Variants in RAB31 observed in about 807,000 individuals in gnomAD.
RAB31 encodes the protein RAB31, member RAS oncogene family, also known as ras-related protein Rab-31.
A neutral mutation model predicts 25.6 loss-of-function variants in RAB31; 21 were observed. The observed-to-expected ratio is 0.82, with a 90% CI of 0.58 to 1.18. The LOEUF (loss-of-function observed/expected upper bound fraction) is 1.18, where lower values mean the gene tolerates loss of function less well. Among genes scored for constraint, RAB31 ranks in the 50% most tolerant of loss-of-function variants. RAB31 has a pLI of 0.00. For synonymous variants in RAB31, 87 were observed against 84.0 expected (o/e 1.04, Z -0.20); for missense variants, 196 against 250.1 (o/e 0.78, Z 1.46).
intron 6 of RAB31, 31 bp downstream of exon 6, chr18:9,845,722 ACTTGC>A (rs2143135875): frequency 4.6e-6 from 7 of 1,520,306 alleles, no homozygotes; most frequent in Middle Eastern, 1.7e-4. Flanking sequence ...TTTCAGCCCA[ACTTGC>A]ATTTTTATGC....
intron 1 of RAB31, among the ~76,000 whole-genome samples, chr18:9,772,731 G>C (rs1240347464): frequency 6.6e-6 from 1 of 152,184 alleles, no homozygotes; most frequent in East Asian, 1.9e-4. Context: ...GTAGGAATCA[G>C]CTGGCCTCAT....
At chr18:9,807,850 C>A (rs1023002083) in intron 3 of RAB31, among the ~76,000 whole-genome samples, 4 of 152,080 alleles carry the variant, frequency 2.6e-5, no homozygotes, top group Non-Finnish European at 5.9e-5. Flanking sequence ...TGGTGGCACA[C>A]ACCTGTAGTC....
At chr18:9,756,125 G>A (rs2145481023) in intron 1 of RAB31, among the ~76,000 whole-genome samples, 1 of 152,336 alleles carries the variant, frequency 6.6e-6, no homozygotes, top group Non-Finnish European at 1.5e-5. Context: ...GAGCATGGTA[G>A]TTGTGGGGAT....
chr18:9,817,181 C>T (rs373555661), intron 5 of RAB31, among the ~76,000 whole-genome samples: 12 of 152,054 alleles, frequency 7.9e-5, no homozygotes, highest in African/African-American at 2.2e-4. Context: ...TGGGTAGAGA[C>T]GACCTTTGCT....
intron 5 of RAB31, among the ~76,000 whole-genome samples, chr18:9,835,151 G>T (rs1032442192): frequency 2.0e-5 from 3 of 152,146 alleles, no homozygotes; most frequent in Non-Finnish European, 2.9e-5. Flanking sequence ...AGCTAAGACG[G>T]TGTAGGGTCC....
chr18:9,711,913 G>A (rs139586939), intron 1 of RAB31, among the ~76,000 whole-genome samples: 5 of 152,204 alleles, frequency 3.3e-5, no homozygotes, highest in African/African-American at 9.6e-5. Flanking sequence ...GACATGCTTC[G>A]CATTTAAGGT....
chr18:9,855,708 C>T (rs966213376), intron 6 of RAB31, among the ~76,000 whole-genome samples: 1 of 152,166 alleles, frequency 6.6e-6, no homozygotes, highest in East Asian at 1.9e-4. Flanking sequence ...TCTGGCTTTT[C>T]TCTTTCTCTG....
At chr18:9,835,321 G>A (rs1383819300) in intron 5 of RAB31, among the ~76,000 whole-genome samples, 1 of 152,084 alleles carries the variant, frequency 6.6e-6, no homozygotes, top group Admixed American at 6.5e-5. Context: ...AGAGGATTTG[G>A]AGCCGACAAC....
chr18:9,763,430 A>G (rs766899631), intron 1 of RAB31, among the ~76,000 whole-genome samples: 7 of 152,170 alleles, frequency 4.6e-5, no homozygotes, highest in Non-Finnish European at 1.0e-4. Context: ...TCATCAAGGA[A>G]TCGAAAACTA....
At chr18:9,721,239 C>T (rs1458482330) in intron 1 of RAB31, among the ~76,000 whole-genome samples, 1 of 152,158 alleles carries the variant, frequency 6.6e-6, no homozygotes, top group Non-Finnish European at 1.5e-5. Context: ...ATCATCCTGT[C>T]ACAGAATTCT....
Position 9,845,788 on chromosome 18 carries a change from C to T in RAB31, c.490+97C>T, listed in dbSNP as rs2068758887. On this transcript the variant is annotated intron_variant, in intron 6 of 6. Coordinates refer to ENST00000578921, the MANE Select transcript of RAB31 (RefSeq NM_006868.4). ...TAGAACTCTGAAGTGAACTTTTCCT[C>T]TGTGTGAATTTATCGGATGCCATGG... 7 of 1,416,888 alleles carry T rather than the reference C, an allele frequency of 4.9e-6. No individual in the cohort carries two copies. In the Admixed American group the frequency reaches 9.3e-5, roughly 19 times the overall value. 87.8% of individuals were successfully genotyped at this position (1,416,888 alleles called of 1,614,324 possible).
intron 5 of RAB31, among the ~76,000 whole-genome samples, chr18:9,822,014 C>T (rs1201142380): frequency 2.0e-5 from 3 of 151,856 alleles, no homozygotes; most frequent in Non-Finnish European, 4.4e-5. Context: ...ACGATATTGA[C>T]AAAGAAGAAT....
chr18:9,837,168 C>A (rs1281452861), intron 5 of RAB31, among the ~76,000 whole-genome samples: 1 of 151,382 alleles, frequency 6.6e-6, no homozygotes, highest in East Asian at 1.9e-4. Context: ...ATGTGAGGAA[C>A]GGGGGAAAAC....
chr18:9,846,776 T>C (rs1280190894), intron 6 of RAB31, among the ~76,000 whole-genome samples: 2 of 152,208 alleles, frequency 1.3e-5, no homozygotes, highest in Non-Finnish European at 2.9e-5. Flanking sequence ...GGAGGGAATC[T>C]TTTGTTTATG....
intron 1 of RAB31, among the ~76,000 whole-genome samples, chr18:9,759,148 G>A (rs1014669450): frequency 1.3e-5 from 2 of 152,044 alleles, no homozygotes; most frequent in African/African-American, 2.4e-5. Flanking sequence ...TATGTAGAGC[G>A]GAGGGCACTT....
chr18:9,800,195 G>A (rs142891016), intron 3 of RAB31, among the ~76,000 whole-genome samples: 3 of 152,298 alleles, frequency 2.0e-5, no homozygotes, highest in East Asian at 1.9e-4. Flanking sequence ...TAAGGCATGC[G>A]TTCATGAAGA....
At chr18:9,718,648 C>T (rs1287070484) in intron 1 of RAB31, among the ~76,000 whole-genome samples, 1 of 152,140 alleles carries the variant, frequency 6.6e-6, no homozygotes, top group Non-Finnish European at 1.5e-5. Context: ...TATAGTAAAG[C>T]ACCATAGACT....
intron 3 of RAB31, among the ~76,000 whole-genome samples, chr18:9,804,330 T>C (rs1425525542): frequency 6.6e-6 from 1 of 152,202 alleles, no homozygotes; most frequent in Non-Finnish European, 1.5e-5. Context: ...GACATTTTGC[T>C]GATGTGTGTT....
chr18:9,832,527 G>C (rs151283289), intron 5 of RAB31, among the ~76,000 whole-genome samples: 16 of 152,374 alleles, frequency 1.1e-4, no homozygotes, highest in African/African-American at 3.6e-4. Flanking sequence ...AACGCTTGCA[G>C]GCGAAGGAGG....
Sources: allele counts gnomAD v4.1 joint callset (sites outside exome capture counted in the v4.1 genomes callset), GRCh38; gene constraint gnomAD v4.1.1; transcripts MANE v1.5; gene names NCBI Gene and HGNC (gene_info 2026-07-23, HGNC 2026-07-21).